Variants in FMN1 observed in about 807,000 individuals in gnomAD.
FMN1 encodes the protein formin 1, also known as formin-1.
FMN1 carries 110 observed loss-of-function variants against 132.4 expected under a neutral mutation model. The observed-to-expected ratio is 0.83, with a 90% CI of 0.71 to 0.97. The LOEUF (loss-of-function observed/expected upper bound fraction) is 0.97, where lower values mean the gene tolerates loss of function less well. Among genes scored for constraint, FMN1 ranks in the 50% least tolerant of loss-of-function variants. The pLI is 0.00. For synonymous variants in FMN1, 722 were observed against 651.7 expected (o/e 1.11, Z -1.64); for missense variants, 1,792 against 1,705.3 (o/e 1.05, Z -0.90).
chr15:33,008,700 C>A (rs1361336515), intron 6 of FMN1, among the ~76,000 whole-genome samples: 1 of 152,038 alleles, frequency 6.6e-6, no homozygotes, highest in Non-Finnish European at 1.5e-5. Flanking sequence ...CAATAAGTCC[C>A]AAGTGTACGT....
chr15:33,191,875 G>C (rs540248729), intron 2 of FMN1, among the ~76,000 whole-genome samples: 2 of 152,298 alleles, frequency 1.3e-5, no homozygotes, highest in South Asian at 4.1e-4. Context: ...TGCAAGATCA[G>C]GCAAATCAGA....
At chr15:32,797,829 G>A (rs2057338859) in intron 19 of FMN1, among the ~76,000 whole-genome samples, 1 of 152,074 alleles carries the variant, frequency 6.6e-6, no homozygotes, top group Non-Finnish European at 1.5e-5. Context: ...ATATATTAGG[G>A]TAGGTTGTGA....
At chr15:33,074,629 G>C (rs534634510) in intron 5 of FMN1, among the ~76,000 whole-genome samples, 2 of 152,290 alleles carry the variant, frequency 1.3e-5, no homozygotes, top group South Asian at 2.1e-4. Flanking sequence ...AAGGAGAAAG[G>C]CTGGGACATC....
chr15:32,774,475 G>T, intron 20 of FMN1, 121 bp from the exon 21 acceptor site: 1 of 726,852 alleles, frequency 1.4e-6, no homozygotes, highest in South Asian at 1.7e-5. Flanking sequence ...GCCTAGAAAT[G>T]AGAGTACCTC....
rs1966174220 is a variant in FMN1 at position 33,193,992 on chromosome 15, G to T, written c.-280C>A. The T allele has an allele frequency of 6.6e-6, 1 of 152,000 alleles. No homozygotes were observed. Among genetic ancestry groups the T allele is most frequent in the Admixed American group, 6.6e-5 (1 of 15,256 alleles). 9.4% of individuals were successfully genotyped at this position (152,000 alleles called of 1,614,324 possible). ...TGCTGTGGTGGTAGTGGCCTTGGAGGTGGTGGTAGTGGCAATGGTGATGAT... is the reference window on the plus strand; with the variant it reads ...TGCTGTGGTGGTAGTGGCCTTGGAGTTGGTGGTAGTGGCAATGGTGATGAT... On this transcript the variant is annotated 5_prime_UTR_variant, in exon 2 of 21. Transcript: ENST00000616417.
chr15:33,140,701 G>A (rs1327797424), intron 4 of FMN1, among the ~76,000 whole-genome samples: 1 of 152,222 alleles, frequency 6.6e-6, no homozygotes, highest in African/African-American at 2.4e-5. Flanking sequence ...AGAAGTTGGA[G>A]AGCTTTATGG....
At chr15:33,104,583 T>C (rs1490420390) in intron 4 of FMN1, among the ~76,000 whole-genome samples, 2 of 152,004 alleles carry the variant, frequency 1.3e-5, no homozygotes, top group Non-Finnish European at 1.5e-5. Flanking sequence ...ATAGCGCCAG[T>C]CACTGAGAAC....
chr15:33,099,344 T>C (rs888982115), intron 4 of FMN1, among the ~76,000 whole-genome samples: 8 of 152,206 alleles, frequency 5.3e-5, no homozygotes, highest in African/African-American at 7.2e-5. Context: ...GTCAGGACTC[T>C]GACTGACACA....
At chr15:32,823,179 T>TTTTTA (rs879127437) in intron 17 of FMN1, among the ~76,000 whole-genome samples, 1 of 120,394 alleles carries the variant, frequency 8.3e-6, no homozygotes, top group African/African-American at 2.9e-5. Context: ...TTTTTTTTTT[T>TTTTTA]GAGACAGAGT....
At chr15:33,142,599 T>C (rs1306101817) in intron 4 of FMN1, among the ~76,000 whole-genome samples, 1 of 152,210 alleles carries the variant, frequency 6.6e-6, no homozygotes, top group Non-Finnish European at 1.5e-5. Context: ...CTCTGCTAGG[T>C]AATATTAATA....
chr15:33,059,380 T>C (rs570022506), intron 6 of FMN1, among the ~76,000 whole-genome samples: 5 of 152,358 alleles, frequency 3.3e-5, no homozygotes, highest in Admixed American at 6.5e-5. Flanking sequence ...ATCTTTTACA[T>C]ATTGGTTTCA....
intron 17 of FMN1, among the ~76,000 whole-genome samples, chr15:32,839,449 G>A (rs1244402431): frequency 6.6e-6 from 1 of 152,036 alleles, no homozygotes; most frequent in African/African-American, 2.4e-5. Flanking sequence ...CTCGTAGACT[G>A]GACTGTAAAC....
At chr15:32,917,273 C>T (rs1266273545) in intron 10 of FMN1, among the ~76,000 whole-genome samples, 1 of 152,208 alleles carries the variant, frequency 6.6e-6, no homozygotes, top group Admixed American at 6.5e-5. Flanking sequence ...GGTCATAGTT[C>T]TCCTACAACC....
chr15:33,154,194 G>C lies in FMN1; in HGVS notation c.721C>G (p.Pro241Ala). The C allele has an allele frequency of 5.9e-6, 9 of 1,536,348 alleles. No homozygotes were observed. Among genetic ancestry groups the C allele is most frequent in the Non-Finnish European group, 7.8e-6 (9 of 1,146,970 alleles). ...QRRESCPPDIPKTPDTDLGFG... is the reference protein window; with the variant it reads ...QRRESCPPDIAKTPDTDLGFG... ...CCAAGGTCTGTGTCTGGCGTCTTGG[G>C]AATATCTGGGGGGCAGCTCTCTCTC... Residue 241 changes from proline (P) to alanine (A), a missense_variant, in exon 4 of 21, where the codon CCC becomes GCC. By Grantham distance (27) the Pro-to-Ala change is conservative. Coordinates refer to ENST00000616417, the MANE Select transcript of FMN1 (RefSeq NM_001277313.2).
At chr15:33,007,841 A>G (rs1312478625) in intron 7 of FMN1, among the ~76,000 whole-genome samples, 173 bp downstream of exon 7, 1 of 152,244 alleles carries the variant, frequency 6.6e-6, no homozygotes, top group Non-Finnish European at 1.5e-5. Flanking sequence ...ATTCTATTAA[A>G]AACAGAATCC....
At chr15:32,950,054 CATATATATATATATAT>C (rs1226548479) in intron 9 of FMN1, among the ~76,000 whole-genome samples, 1 of 4,914 alleles carries the variant, frequency 2.0e-4, no homozygotes, top group Non-Finnish European at 5.3e-4. Flanking sequence ...TATATATACA[CATATATATATATATAT>C]ATATATATAT....
intron 19 of FMN1, among the ~76,000 whole-genome samples, chr15:32,786,609 A>G (rs963354993): frequency 1.3e-5 from 2 of 152,222 alleles, no homozygotes; most frequent in African/African-American, 4.8e-5. Context: ...AATAACATAT[A>G]GACTTTGGGG....
intron 9 of FMN1, among the ~76,000 whole-genome samples, chr15:32,931,199 T>C (rs1162715868): frequency 6.6e-6 from 1 of 152,214 alleles, no homozygotes; most frequent in Non-Finnish European, 1.5e-5. Flanking sequence ...ATACAAATTT[T>C]AGGATTGTTT....
rs542590011 is a variant in FMN1, at chr15:32,794,204, A to C, written c.4130+4600T>G. Among the ~76,000 whole-genome samples, 4 of 152,332 alleles carry C rather than the reference A, an allele frequency of 2.6e-5. No individual in the cohort carries two copies. The South Asian group carries it at 6.2e-4, about 24-fold the overall frequency. Reference sequence around the variant, plus strand: ...ACAGCCCCCTCGCCCCCAAAAGAAAAAAACAAGATAACTATCCATTCCCCT... The same window carrying C: ...ACAGCCCCCTCGCCCCCAAAAGAAACAAACAAGATAACTATCCATTCCCCT... On this transcript the variant is annotated intron_variant, in intron 19 of 20. Coordinates refer to ENST00000616417, the MANE Select transcript of FMN1 (RefSeq NM_001277313.2).
Sources: gnomAD v4.1 joint callset for allele counts (sites outside exome capture counted in the v4.1 genomes callset) on GRCh38, gnomAD v4.1.1 for gene constraint, MANE v1.5 for transcripts, NCBI Gene and HGNC (gene_info 2026-07-23, HGNC 2026-07-21) for gene names.